The following KCNT2 variants were observed in gnomAD, a reference collection of about 807,000 sequenced individuals.
The protein encoded by KCNT2 is potassium sodium-activated channel subfamily T member 2.
A neutral mutation model predicts 153.8 loss-of-function variants in KCNT2; 67 were observed. That is an observed-to-expected ratio of 0.44 (90% CI 0.36 to 0.53). KCNT2 has a LOEUF of 0.53. Ranked by LOEUF, KCNT2 falls within the 20% of genes least tolerant of loss-of-function variation. The pLI is 0.00. For missense variants in KCNT2, 975 were observed against 1,354.8 expected (o/e 0.72, Z 4.40); for synonymous variants, 500 against 458.8 (o/e 1.09, Z -1.15).
chr1:196,583,751 A>G (rs560194257), intron 1 of KCNT2, among the ~76,000 whole-genome samples: 1 of 152,092 alleles, frequency 6.6e-6, no homozygotes, highest in Non-Finnish European at 1.5e-5. Context: ...CATGAAAAAG[A>G]TCATCAGAAA....
intron 3 of KCNT2, 67 bp downstream of exon 3, chr1:196,489,771 T>G: frequency 1.1e-6 from 1 of 899,638 alleles, no homozygotes; most frequent in Non-Finnish European, 1.7e-6. Flanking sequence ...ATGCTTTAAA[T>G]TTAAAATGTG....
At chr1:196,482,451 A>T in intron 3 of KCNT2, 72 bp from the exon 4 acceptor site, 1 of 801,436 alleles carries the variant, frequency 1.2e-6, no homozygotes, top group Non-Finnish European at 1.9e-6. Flanking sequence ...ATTCAGTTAA[A>T]GTTGGAAATA....
At position 196,266,341 on chromosome 1, in the gene KCNT2, G is replaced by T. The variant is rs538201888; in HGVS notation, c.2911-7847C>A. On this transcript the variant is annotated intron_variant, in intron 25 of 27. Transcript: ENST00000294725. ...AATATGGGAATTGCACTAAAATAAA[G>T]GTACCTCCCCTTACTCTTATGGAGG... is the stretch of plus-strand genomic sequence containing the variant. 5.2e-3 allele frequency among the ~76,000 whole-genome samples: 790 copies of T among 152,154 alleles called. 5 individuals carry two copies. Among genetic ancestry groups the T allele is most frequent in the Middle Eastern group, 0.041 (12 of 294 alleles).
intron 14 of KCNT2, among the ~76,000 whole-genome samples, chr1:196,351,288 C>T (rs1278984696): frequency 6.6e-6 from 1 of 152,072 alleles, no homozygotes; most frequent in Non-Finnish European, 1.5e-5. Context: ...TATAAATTAC[C>T]TTGGGCAGTA....
At chr1:196,547,850 T>C (rs559134077) in intron 1 of KCNT2, among the ~76,000 whole-genome samples, 1 of 151,832 alleles carries the variant, frequency 6.6e-6, no homozygotes, top group South Asian at 2.1e-4. Context: ...AATCATTTCA[T>C]AAAATTATAG....
At chr1:196,582,061 T>C (rs910608090) in intron 1 of KCNT2, among the ~76,000 whole-genome samples, 1 of 152,084 alleles carries the variant, frequency 6.6e-6, no homozygotes, top group East Asian at 1.9e-4. Flanking sequence ...TATTTACTTA[T>C]CAACTTCTCT....
chr1:196,585,432 T>A (rs1268290034), intron 1 of KCNT2, among the ~76,000 whole-genome samples: 1 of 152,122 alleles, frequency 6.6e-6, no homozygotes, highest in Non-Finnish European at 1.5e-5. Context: ...ATTTAATTTA[T>A]ATTTTGATTA....
chr1:196,508,131 G>A (rs745616288), intron 1 of KCNT2, among the ~76,000 whole-genome samples: 1 of 126,930 alleles, frequency 7.9e-6, no homozygotes, highest in Non-Finnish European at 1.6e-5. Context: ...TGGCTGAACA[G>A]TAGTAAAAAA....
intron 18 of KCNT2, among the ~76,000 whole-genome samples, chr1:196,328,612 A>T (rs1317563372): frequency 2.0e-5 from 3 of 151,604 alleles, no homozygotes; most frequent in Non-Finnish European, 4.4e-5. Flanking sequence ...GGCAGTAAGT[A>T]CAGTCCTTAA....
chr1:196,566,451 TCAAAGATATGTTTATGAGTAGGAA>T (rs1281953042), intron 1 of KCNT2, among the ~76,000 whole-genome samples: 1 of 152,040 alleles, frequency 6.6e-6, no homozygotes, highest in African/African-American at 2.4e-5. Flanking sequence ...AATGACATAT[TCAAAGATATGTTTATGAGTAGGAA>T]CATGGCAATT....
chr1:196,249,069 G>T (rs1171027279), intron 26 of KCNT2, among the ~76,000 whole-genome samples: 1 of 151,988 alleles, frequency 6.6e-6, no homozygotes, highest in Non-Finnish European at 1.5e-5. Flanking sequence ...ATTTCAATTG[G>T]TGCTAAAAAT....
intron 1 of KCNT2, among the ~76,000 whole-genome samples, chr1:196,516,307 G>A (rs938502031): frequency 4.6e-5 from 7 of 151,986 alleles, no homozygotes; most frequent in African/African-American, 1.7e-4. Context: ...GGGAATCAGG[G>A]GCAATTAGGG....
At chr1:196,383,550 A>T (rs1669690929) in intron 13 of KCNT2, among the ~76,000 whole-genome samples, 1 of 152,154 alleles carries the variant, frequency 6.6e-6, no homozygotes, top group Non-Finnish European at 1.5e-5. Flanking sequence ...GCACTGGGTG[A>T]TTGAATAAGC....
chr1:196,579,258 G>A (rs1256687056), intron 1 of KCNT2, among the ~76,000 whole-genome samples: 1 of 152,048 alleles, frequency 6.6e-6, no homozygotes, highest in Non-Finnish European at 1.5e-5. Context: ...TCACATAAAA[G>A]TGGGAGCTAA....
chr1:196,281,105 C>T, intron 24 of KCNT2, 117 bp from the exon 25 acceptor site: 1 of 747,214 alleles, frequency 1.3e-6, no homozygotes, highest in South Asian at 1.7e-5. Context: ...CTCTGTCACC[C>T]AGGCTACAGT....
rs903145264 is a variant in KCNT2, at chr1:196,404,367, C to T, written c.1186-5696G>A. On this transcript the variant is annotated intron_variant, in intron 12 of 27. Coordinates refer to ENST00000294725, the MANE Select transcript of KCNT2 (RefSeq NM_198503.5). ...TCCAACTAAAATTCTTATTGTTGTACGTGGCTACTTAAAATCCTACAGTGG... is the reference window on the plus strand; with the variant it reads ...TCCAACTAAAATTCTTATTGTTGTATGTGGCTACTTAAAATCCTACAGTGG... 3.3e-5 allele frequency among the ~76,000 whole-genome samples: 5 copies of T among 151,646 alleles called. 1 individual carries two copies. Among genetic ancestry groups the T allele is most frequent in the African/African-American group, 1.2e-4 (5 of 41,378 alleles).
intron 1 of KCNT2, among the ~76,000 whole-genome samples, chr1:196,500,097 T>C (rs1680554525): frequency 6.7e-6 from 1 of 149,826 alleles, no homozygotes; most frequent in Non-Finnish European, 1.5e-5. Flanking sequence ...TGAGCTGAGA[T>C]TGCACAACTG....
At chr1:196,503,383 T>C (rs1052578891) in intron 1 of KCNT2, among the ~76,000 whole-genome samples, 2 of 152,176 alleles carry the variant, frequency 1.3e-5, no homozygotes, top group African/African-American at 4.8e-5. Context: ...TTTATAAGCT[T>C]ATAATATGAC....
chr1:196,602,144 T>C (rs1448991974), intron 1 of KCNT2, among the ~76,000 whole-genome samples: 2 of 152,110 alleles, frequency 1.3e-5, no homozygotes, highest in Non-Finnish European at 2.9e-5. Context: ...AATTCCAAAT[T>C]TAAAACTCAG....
Sources: allele counts gnomAD v4.1 joint callset (sites outside exome capture counted in the v4.1 genomes callset), GRCh38; gene constraint gnomAD v4.1.1; transcripts MANE v1.5; gene names NCBI Gene and HGNC (gene_info 2026-07-23, HGNC 2026-07-21).